PTCD2: variants seen among roughly 807,000 people sequenced by gnomAD.
The protein encoded by PTCD2 is pentatricopeptide repeat domain 2.
Under a neutral mutation model 42.6 loss-of-function variants are expected in PTCD2, and 31 were observed. That is an observed-to-expected ratio of 0.73 (90% CI 0.55 to 0.98). PTCD2 has a LOEUF of 0.98. Among genes scored for constraint, PTCD2 ranks in the 50% least tolerant of loss-of-function variants. The probability of loss-of-function intolerance (pLI) is 0.00; values close to 1 mark genes in which losing one functional copy is unlikely to be tolerated. For synonymous variants in PTCD2, 183 were observed against 170.9 expected, an observed-to-expected ratio of 1.07 and a Z score of -0.55; for missense variants, 476 against 454.8, an observed-to-expected ratio of 1.05 and a Z score of -0.42.
At chr5:72,326,778 C>A in intron 3 of PTCD2, 37 bp downstream of exon 3, 1 of 1,601,604 alleles carries the variant, frequency 6.2e-7, no homozygotes, top group African/African-American at 1.3e-5. Context: ...ACCCTTATCC[C>A]TTCTTACTCT....
chr5:72,338,702 A>G lies in PTCD2; in HGVS notation c.720A>G (p.Ala240=), dbSNP rs1276943322. The stretch of plus-strand genomic sequence containing the variant: ...AAGGAGAAATTCTCTCCAGGAGAGC[A>G]TCCTGTTTCGCTGTGGCATTAGCTC... ...LLKGEILSRR[A]SCFAVALALN... Residue 240 remains alanine, a synonymous_variant, in exon 7 of 10, where the codon GCA becomes GCG. Transcript: ENST00000380639. The G allele has an allele frequency of 6.2e-7, 1 of 1,612,220 alleles. No homozygotes were observed. The highest frequency in any genetic ancestry group is 1.7e-5 in the Admixed American group (1 of 59,980).
rs1252858697 is a variant in PTCD2 at position 72,362,018 on chromosome 5, G to A, written c.*3591G>A. On this transcript the variant is annotated 3_prime_UTR_variant, in exon 10 of 10. Coordinates refer to ENST00000380639, the MANE Select transcript of PTCD2 (RefSeq NM_024754.5). ...CTGTCCTTTCTGCTCTGTTTGCTGG[G>A]TGCCTAGCATGGTAGGGGATGTATC... 1 of 152,220 alleles carries A rather than the reference G, an allele frequency of 6.6e-6. No homozygotes were observed. The highest frequency in any genetic ancestry group is 2.4e-5 in the African/African-American group (1 of 41,432). 9.4% of individuals were successfully genotyped at this position (152,220 alleles called of 1,614,324 possible).
intron 3 of PTCD2, among the ~76,000 whole-genome samples, chr5:72,327,424 T>C (rs1398542631): frequency 6.6e-6 from 1 of 152,134 alleles, no homozygotes; most frequent in East Asian, 1.9e-4. Flanking sequence ...TCAACAGACT[T>C]CATTTCTGAA....
intron 3 of PTCD2, among the ~76,000 whole-genome samples, chr5:72,327,471 T>C (rs1751206669): frequency 8.1e-6 from 1 of 122,906 alleles, no homozygotes; most frequent in Non-Finnish European, 1.6e-5. Flanking sequence ...CTTTTTAAAC[T>C]ATTTTTTTTT....
chr5:72,341,762 G>T (rs1343372311), intron 7 of PTCD2, among the ~76,000 whole-genome samples: 2 of 151,436 alleles, frequency 1.3e-5, no homozygotes, highest in Non-Finnish European at 2.9e-5. Context: ...AAAAATTCTG[G>T]CCAGGTGCAG....
rs1753239844 is a variant in PTCD2, at chr5:72,367,980, G to C, written c.*9553G>C. On this transcript the variant is annotated 3_prime_UTR_variant, in exon 10 of 10. Coordinates refer to ENST00000380639, the MANE Select transcript of PTCD2 (RefSeq NM_024754.5). ...TTCCACAGCCTGTGATACACCCTTA[G>C]AGTCAAAATATCAAATTCAGTGGGC... The C allele has an allele frequency of 6.6e-6, 1 of 152,170 alleles. No individual in the cohort carries two copies. Among genetic ancestry groups the C allele is most frequent in the African/African-American group, 2.4e-5 (1 of 41,436 alleles). 9.4% of individuals were successfully genotyped at this position (152,170 alleles called of 1,614,324 possible).
At chr5:72,329,654 A>G (rs1751328427) in intron 3 of PTCD2, among the ~76,000 whole-genome samples, 1 of 150,668 alleles carries the variant, frequency 6.6e-6, no homozygotes, top group Non-Finnish European at 1.5e-5. Context: ...TACGTTTTAT[A>G]AAGATTTATA....
chr5:72,349,678 C>G (rs1580182244), intron 8 of PTCD2, among the ~76,000 whole-genome samples: 1 of 152,164 alleles, frequency 6.6e-6, no homozygotes, highest in Non-Finnish European at 1.5e-5. Context: ...AAAATTTCCC[C>G]TGTTCCTTAC....
rs1338545260 is a variant in PTCD2, at chr5:72,361,056, T to C, written c.*2629T>C. 1 of 152,230 alleles carries C rather than the reference T, an allele frequency of 6.6e-6. No individual in the cohort carries two copies. 9.4% of individuals were successfully genotyped at this position (152,230 alleles called of 1,614,324 possible). On this transcript the variant is annotated 3_prime_UTR_variant, in exon 10 of 10. Transcript: ENST00000380639. ...ATTCCTTAACTCTGTTATGTGCTTT[T>C]GTAGATTGTTTTTACTTACTGTAGA...
intron 2 of PTCD2, among the ~76,000 whole-genome samples, chr5:72,325,471 T>A (rs1751089396): frequency 6.6e-6 from 1 of 152,194 alleles, no homozygotes; most frequent in Non-Finnish European, 1.5e-5. Context: ...GATCCTTAAT[T>A]TACACATGAG....
At chr5:72,340,070 A>T (rs1183257285) in intron 7 of PTCD2, among the ~76,000 whole-genome samples, 1 of 152,106 alleles carries the variant, frequency 6.6e-6, no homozygotes, top group Non-Finnish European at 1.5e-5. Flanking sequence ...TTAATGTGAC[A>T]TATATTTGAT....
chr5:72,358,130 T>G, intron 9 of PTCD2, 73 bp from the exon 10 acceptor site: 3 of 1,344,516 alleles, frequency 2.2e-6, no homozygotes, highest in Non-Finnish European at 3.1e-6. Flanking sequence ...TCCATTTCTT[T>G]TTCTTAGGGT....
intron 7 of PTCD2, among the ~76,000 whole-genome samples, chr5:72,340,458 C>G (rs1166323803): frequency 1.3e-5 from 2 of 152,086 alleles, no homozygotes; most frequent in African/African-American, 2.4e-5. Flanking sequence ...TCATCTCTTT[C>G]CCTTCTCTTT....
At chr5:72,348,172 A>C (rs1039682491) in intron 8 of PTCD2, among the ~76,000 whole-genome samples, 1 of 152,194 alleles carries the variant, frequency 6.6e-6, no homozygotes, top group Non-Finnish European at 1.5e-5. Context: ...AATCTTTTAG[A>C]TTCTAGGTCT....
chr5:72,323,005 T>C (rs909067575), intron 2 of PTCD2, among the ~76,000 whole-genome samples: 3 of 152,020 alleles, frequency 2.0e-5, no homozygotes, highest in South Asian at 2.1e-4. Context: ...TTAAAGTTAG[T>C]TGGGCGTGGT....
At chr5:72,322,506 C>G (rs1366347641) in intron 2 of PTCD2, among the ~76,000 whole-genome samples, 1 of 152,196 alleles carries the variant, frequency 6.6e-6, no homozygotes, top group African/African-American at 2.4e-5. Context: ...AAAGCTAGTG[C>G]TGCGATTGGT....
Position 72,365,770 on chromosome 5 carries a change from G to A in PTCD2, c.*7343G>A, listed in dbSNP as rs886723573. On this transcript the variant is annotated 3_prime_UTR_variant, in exon 10 of 10. Coordinates refer to ENST00000380639, the MANE Select transcript of PTCD2 (RefSeq NM_024754.5). ...TGTCATTATATAAAAAAGCTATAGAGAGCAGAGAAAATGTCATTTCCAATT... is the reference window on the plus strand; with the variant it reads ...TGTCATTATATAAAAAAGCTATAGAAAGCAGAGAAAATGTCATTTCCAATT... 3 of 152,148 alleles carry A rather than the reference G, an allele frequency of 2.0e-5. No homozygotes were observed. Among genetic ancestry groups the A allele is most frequent in the African/African-American group, 7.2e-5 (3 of 41,422 alleles). The allele number at this position is 152,148 out of a possible 1,614,324, so 9.4% of individuals were successfully genotyped here.
At chr5:72,348,120 G>A (rs775880665) in intron 8 of PTCD2, among the ~76,000 whole-genome samples, 4 of 152,116 alleles carry the variant, frequency 2.6e-5, no homozygotes, top group Non-Finnish European at 5.9e-5. Flanking sequence ...CATCTTCCTC[G>A]GGGATGATGA....
At chr5:72,325,528 A>C (rs190420644) in intron 2 of PTCD2, among the ~76,000 whole-genome samples, 178 of 152,320 alleles carry the variant, frequency 1.2e-3, no homozygotes, top group African/African-American at 4.1e-3. Context: ...CAAGTGGCCG[A>C]GCTTAGATTT....
Sources: gnomAD v4.1 joint callset for allele counts (sites outside exome capture counted in the v4.1 genomes callset) on GRCh38, gnomAD v4.1.1 for gene constraint, MANE v1.5 for transcripts, NCBI Gene and HGNC (gene_info 2026-07-23, HGNC 2026-07-21) for gene names.